Variants in DPYSL5 observed in about 807,000 individuals in gnomAD.
DPYSL5 encodes the protein dihydropyrimidinase-related protein 5.
In DPYSL5, 9 loss-of-function variants were observed where a neutral mutation model predicts 58.4. The ratio of observed to expected loss-of-function variants is 0.15; its 90% CI spans 0.09 to 0.27. The LOEUF is 0.27. DPYSL5 is among the 10% of genes least tolerant of loss of function. DPYSL5 has a pLI of 1.00. For missense variants in DPYSL5, 499 were observed against 770.6 expected, an observed-to-expected ratio of 0.65 and a Z score of 4.17; for synonymous variants, 293 against 301.9, an observed-to-expected ratio of 0.97 and a Z score of 0.31.
In DPYSL5 at chr2:26,927,569, C is replaced by A; in HGVS notation, c.600+137C>A. 1 of 1,064,558 alleles carries A rather than the reference C, an allele frequency of 9.4e-7. No individual in the cohort carries two copies. Among genetic ancestry groups the A allele is most frequent in the Non-Finnish European group, 1.3e-6 (1 of 766,856 alleles). 65.9% of individuals were successfully genotyped at this position (1,064,558 alleles called of 1,614,324 possible). On this transcript the variant is annotated intron_variant, in intron 4 of 12. Coordinates refer to ENST00000288699, the MANE Select transcript of DPYSL5 (RefSeq NM_020134.4). The surrounding 1 kb of genome is among the most constrained non-coding windows in gnomAD (Gnocchi z 4.3). Reference sequence around the variant, plus strand: ...TGTTAAAGTGTGAGGTGTGGACACCCCAGCTGTCAGATCTTGGTCAGAAAA... The same window carrying A: ...TGTTAAAGTGTGAGGTGTGGACACCACAGCTGTCAGATCTTGGTCAGAAAA...
intron 1 of DPYSL5, among the ~76,000 whole-genome samples, chr2:26,885,997 A>G (rs1663708734): frequency 6.6e-6 from 1 of 152,102 alleles, no homozygotes; most frequent in Admixed American, 6.6e-5. Context: ...GGGACAGGGG[A>G]GTTGGTTTTG....
At chr2:26,931,076 C>T (rs1664960047) in intron 5 of DPYSL5, among the ~76,000 whole-genome samples, 2 of 143,466 alleles carry the variant, frequency 1.4e-5, no homozygotes, top group Admixed American at 1.4e-4. Context: ...GAGGTGGAGG[C>T]TGCAGTGGGC....
In DPYSL5 at chr2:26,925,937, G is replaced by A. The variant is rs374504633; in HGVS notation, c.420+892G>A. Among the ~76,000 whole-genome samples the A allele has an allele frequency of 5.3e-5, 8 of 152,160 alleles. No individual in the cohort carries two copies. The East Asian group carries it at 7.7e-4, about 15-fold the overall frequency. On this transcript the variant is annotated intron_variant, in intron 3 of 12. Transcript: ENST00000288699. This position sits in a 1 kb window ranked among gnomAD's most constrained non-coding sequence, Gnocchi z 4.5. ...CTCAGGAACTGCCTCTTCATTTTCC[G>A]TCAAAAACCCACTTGTAACTGCTGC...
At chr2:26,941,618 T>A (rs770610480) in intron 9 of DPYSL5, among the ~76,000 whole-genome samples, 4 of 152,120 alleles carry the variant, frequency 2.6e-5, no homozygotes, top group Admixed American at 1.3e-4. Flanking sequence ...TCACCCTTAG[T>A]AGATGAAGGG....
At chr2:26,938,037 T>G (rs1325916235) in intron 8 of DPYSL5, among the ~76,000 whole-genome samples, 1 of 152,130 alleles carries the variant, frequency 6.6e-6, no homozygotes, top group Non-Finnish European at 1.5e-5. Context: ...GACAAGAAAT[T>G]TTTTCATTTG....
chr2:26,928,704 T>TACACAC (rs1553320464), intron 5 of DPYSL5, among the ~76,000 whole-genome samples: 2 of 62,964 alleles, frequency 3.2e-5, no homozygotes, highest in African/African-American at 1.3e-4. Flanking sequence ...TATATATATA[T>TACACAC]ACACACACAC....
chr2:26,914,673 T>C (rs1018529072), intron 2 of DPYSL5, among the ~76,000 whole-genome samples: 4 of 152,194 alleles, frequency 2.6e-5, no homozygotes, highest in Non-Finnish European at 2.9e-5. Flanking sequence ...CAGTGGCTGC[T>C]GGCAGTGTGG....
chr2:26,931,203 G>GTGTGTATATATATATATA (rs1474347605), intron 5 of DPYSL5, among the ~76,000 whole-genome samples: 2 of 44,934 alleles, frequency 4.5e-5, no homozygotes, highest in Non-Finnish European at 4.3e-5. Flanking sequence ...GTGTGTGTGT[G>GTGTGTATATATATATATA]TATATATATA....
intron 1 of DPYSL5, among the ~76,000 whole-genome samples, chr2:26,855,830 C>T (rs1164175260): frequency 1.3e-5 from 2 of 152,114 alleles, no homozygotes; most frequent in African/African-American, 2.4e-5. Flanking sequence ...ATACAGAAGC[C>T]GCCTCCTTTC....
At position 26,934,806 on chromosome 2, in the gene DPYSL5, C is replaced by T. The variant is rs1665130025; in HGVS notation, c.947+72C>T. The stretch of plus-strand genomic sequence containing the variant: ...AAGACGTCATAGAGGGCCCAGGAAA[C>T]AAATCTGAGCTAGGTTTGATTTCAT... On this transcript the variant is annotated intron_variant, in intron 8 of 12. Coordinates refer to ENST00000288699, the MANE Select transcript of DPYSL5 (RefSeq NM_020134.4). This position sits in a 1 kb window ranked among gnomAD's most constrained non-coding sequence, Gnocchi z 4.3. 4.0e-5 allele frequency: 63 copies of T among 1,560,580 alleles called. No individual in the cohort carries two copies. In the South Asian group the frequency reaches 7.2e-4, roughly 18 times the overall value.
intron 1 of DPYSL5, among the ~76,000 whole-genome samples, chr2:26,891,032 C>T (rs1376197056): frequency 6.6e-6 from 1 of 152,208 alleles, no homozygotes; most frequent in African/African-American, 2.4e-5. Context: ...AGAGGGGACA[C>T]ATACATCTAG....
intron 1 of DPYSL5, among the ~76,000 whole-genome samples, chr2:26,860,445 A>G (rs1338508355): frequency 6.6e-6 from 1 of 152,210 alleles, no homozygotes. Context: ...ACAATTCTTC[A>G]TTGGTGAAAA....
intron 1 of DPYSL5, among the ~76,000 whole-genome samples, chr2:26,893,477 T>A (rs1663939324): frequency 6.6e-6 from 1 of 152,246 alleles, no homozygotes; most frequent in Non-Finnish European, 1.5e-5. Flanking sequence ...TTTGTTCTAT[T>A]CACCGTAATT....
At position 26,924,553 on chromosome 2, in the gene DPYSL5, A is replaced by G. The variant is rs1245098367; in HGVS notation, c.262-334A>G. ...TTTGATCATGTTATCTATAGAGTCA[A>G]TTGGCTAAAAATCGTTTGGGGAGAG... is the stretch of plus-strand genomic sequence containing the variant. On this transcript the variant is annotated intron_variant, in intron 2 of 12. Transcript: ENST00000288699. The surrounding 1 kb of genome is among the most constrained non-coding windows in gnomAD (Gnocchi z 4.7). Among the ~76,000 whole-genome samples the G allele has an allele frequency of 2.0e-5, 3 of 152,218 alleles. No individual in the cohort carries two copies. Among genetic ancestry groups the G allele is most frequent in the African/African-American group, 7.2e-5 (3 of 41,460 alleles).
chr2:26,920,223 G>A (rs967739582), intron 2 of DPYSL5, among the ~76,000 whole-genome samples: 12 of 151,888 alleles, frequency 7.9e-5, no homozygotes, highest in Non-Finnish European at 1.5e-4. Context: ...TGGCAAAAAT[G>A]TTAACATCTG....
Position 26,901,561 on chromosome 2 carries a change from C to T in DPYSL5, c.261+2801C>T, listed in dbSNP as rs1664155448. 2.0e-5 allele frequency among the ~76,000 whole-genome samples: 3 copies of T among 152,216 alleles called. 1 individual carries two copies. In the South Asian group the frequency reaches 6.2e-4, roughly 32 times the overall value. ...CCGCCTGTGGCACCCATGCAGAGGC[C>T]GCGCACCCTGATGGACCGCCGCTGA... On this transcript the variant is annotated intron_variant, in intron 2 of 12. Transcript: ENST00000288699.
intron 1 of DPYSL5, among the ~76,000 whole-genome samples, chr2:26,857,997 G>A (rs1572669835): frequency 6.6e-6 from 1 of 152,266 alleles, no homozygotes; most frequent in African/African-American, 2.4e-5. Context: ...AATGAAACAC[G>A]AGCAGCCAGA....
chr2:26,934,678 G>A lies in DPYSL5; in HGVS notation c.891G>A (p.Val297=). 6.2e-7 allele frequency: 1 copy of A among 1,614,142 alleles called. No individual in the cohort carries two copies. The highest frequency in any genetic ancestry group is 8.5e-7 in the Non-Finnish European group (1 of 1,180,020). ...CCCACGCGGCTGCCTATGTCACGGTGCCTCCCCTGAGACTGGACACCAACA... is the reference window on the plus strand; with the variant it reads ...CCCACGCGGCTGCCTATGTCACGGTACCTCCCCTGAGACTGGACACCAACA... ...DWSHAAAYVT[V]PPLRLDTNTS... Residue 297 remains valine, a synonymous_variant, in exon 8 of 13, where the codon GTG becomes GTA. Coordinates refer to ENST00000288699, the MANE Select transcript of DPYSL5 (RefSeq NM_020134.4). This position sits in a 1 kb window ranked among gnomAD's most constrained non-coding sequence, Gnocchi z 4.3.
chr2:26,894,546 T>C (rs1663965475), intron 1 of DPYSL5, among the ~76,000 whole-genome samples: 1 of 152,244 alleles, frequency 6.6e-6, no homozygotes, highest in South Asian at 2.1e-4. Flanking sequence ...GAGGGCCTTG[T>C]TTGTTGAGGC....
Sources: allele counts gnomAD v4.1 joint callset (sites outside exome capture counted in the v4.1 genomes callset), GRCh38; gene constraint gnomAD v4.1.1; non-coding constraint Gnocchi (gnomAD v3.1); transcripts MANE v1.5; gene names NCBI Gene and HGNC (gene_info 2026-07-23, HGNC 2026-07-21).